Variants in KCTD6 observed in about 807,000 individuals in gnomAD.
KCTD6 encodes the protein potassium channel tetramerization domain containing 6.
A neutral mutation model predicts 18.7 loss-of-function variants in KCTD6; 6 were observed. The ratio of observed to expected loss-of-function variants is 0.32; its 90% CI spans 0.18 to 0.63. KCTD6 has a LOEUF of 0.63. KCTD6 is among the 30% of genes least tolerant of loss of function. The pLI is 0.79. For missense variants in KCTD6, 165 were observed against 300.2 expected, an observed-to-expected ratio of 0.55 and a Z score of 3.33; for synonymous variants, 86 against 108.5, an observed-to-expected ratio of 0.79 and a Z score of 1.29.
chr3:58,501,186 C>T lies in KCTD6; in HGVS notation c.268C>T (p.Arg90Trp), dbSNP rs2063203324. The change falls in exon 3 of 3, where the codon CGG (arginine) becomes TGG (tryptophan). Residue 90 changes from arginine (R) to tryptophan (W), a missense_variant. Physicochemically the swap from Arg to Trp is moderately radical, Grantham distance 101. Transcript: ENST00000404589. This position sits in a 1 kb window ranked among gnomAD's most constrained non-coding sequence, Gnocchi z 9.7. ...PLDFKEFDLL[R>W]KEADFYQIEP... The stretch of plus-strand genomic sequence containing the variant: ...GGATTTTAAGGAATTTGATCTGCTT[C>T]GGAAAGAAGCAGATTTTTACCAGAT... 3.1e-6 allele frequency: 5 copies of T among 1,613,984 alleles called. No individual in the cohort carries two copies. Among genetic ancestry groups the T allele is most frequent in the African/African-American group, 1.3e-5 (1 of 74,902 alleles).
Position 58,496,680 on chromosome 3 carries a change from A to G in KCTD6, c.-43-2033A>G, listed in dbSNP as rs905257974. 6.6e-6 allele frequency among the ~76,000 whole-genome samples: 1 copy of G among 152,106 alleles called. No individual in the cohort carries two copies. The highest frequency in any genetic ancestry group is 1.5e-5 in the Non-Finnish European group (1 of 68,026). The stretch of plus-strand genomic sequence containing the variant: ...TCTGCTGGTCCATCTGTTATACAGC[A>G]CTTTGAATTCTGTTCTGTACTTCAG... On this transcript the variant is annotated intron_variant, in intron 1 of 2. Transcript: ENST00000404589. The surrounding 1 kb of genome is among the most constrained non-coding windows in gnomAD (Gnocchi z 5.1).
In KCTD6 at chr3:58,497,301, C is replaced by T. The variant is rs1322153724; in HGVS notation, c.-43-1412C>T. ...AAATGTTCTCTACATGCCTGAGTGA[C>T]CTTTTGAGAAAGAGCCTTTGTGATC... is the stretch of plus-strand genomic sequence containing the variant. On this transcript the variant is annotated intron_variant, in intron 1 of 2. Coordinates refer to ENST00000404589, the MANE Select transcript of KCTD6 (RefSeq NM_001128214.2). The surrounding 1 kb of genome is among the most constrained non-coding windows in gnomAD (Gnocchi z 4.2). 6.6e-6 allele frequency among the ~76,000 whole-genome samples: 1 copy of T among 152,226 alleles called. No homozygotes were observed. The highest frequency in any genetic ancestry group is 1.5e-5 in the Non-Finnish European group (1 of 68,030).
rs775250930 is a variant in KCTD6, at chr3:58,500,963, A to G, written c.45A>G (p.Thr15=). 5.7e-6 allele frequency: 9 copies of G among 1,570,668 alleles called. No homozygotes were observed. In the African/African-American group the frequency reaches 8.2e-5, roughly 14 times the overall value. Residue 15 remains threonine, a synonymous_variant, in exon 3 of 3, where the codon ACA becomes ACG. Transcript: ENST00000404589. ...AATTTCAGATGACTGACCCAGTCAC[A>G]TTAAATGTAGGTGGACACTTGTATA... ...DWGYMMTDPV[T]LNVGGHLYTT...
chr3:58,499,004 T>G (rs1341075238), intron 2 of KCTD6, among the ~76,000 whole-genome samples: 1 of 151,904 alleles, frequency 6.6e-6, no homozygotes, highest in Non-Finnish European at 1.5e-5. Context: ...GAGTCTCGCC[T>G]TCTTGCCCAG....
At position 58,493,627 on chromosome 3, in the gene KCTD6, A is replaced by G. The variant is rs73087706; in HGVS notation, c.-44+1458A>G. On this transcript the variant is annotated intron_variant, in intron 1 of 2. Coordinates refer to ENST00000404589, the MANE Select transcript of KCTD6 (RefSeq NM_001128214.2). The surrounding 1 kb of genome is among the most constrained non-coding windows in gnomAD (Gnocchi z 4.5). The stretch of plus-strand genomic sequence containing the variant: ...TCCCTTCTGGAGCTCTGGGAAAAGG[A>G]GGACCTGGGGAGATTTGAAGCAAAT... 0.26 allele frequency among the ~76,000 whole-genome samples: 39,508 copies of G among 152,152 alleles called. 5,723 individuals carry two copies. The highest frequency in any genetic ancestry group is 0.35 in the Middle Eastern group (103 of 294).
At chr3:58,499,820 G>C (rs2063196627) in intron 2 of KCTD6, among the ~76,000 whole-genome samples, 1 of 151,574 alleles carries the variant, frequency 6.6e-6, no homozygotes. Context: ...GATTACAGGT[G>C]TGAGCCACCA....
rs945131347 is a variant in KCTD6 at position 58,493,364 on chromosome 3, T to C, written c.-44+1195T>C. Among the ~76,000 whole-genome samples the C allele has an allele frequency of 6.6e-6, 1 of 152,280 alleles. No individual in the cohort carries two copies. The highest frequency in any genetic ancestry group is 6.5e-5 in the Admixed American group (1 of 15,288). On this transcript the variant is annotated intron_variant, in intron 1 of 2. Transcript: ENST00000404589. This position sits in a 1 kb window ranked among gnomAD's most constrained non-coding sequence, Gnocchi z 4.5. The stretch of plus-strand genomic sequence containing the variant: ...ATTTGAATTTTCATAAATCATATTT[T>C]AACCAAAGCATTACTACTTAAAGGA...
chr3:58,501,340 C>G lies in KCTD6; in HGVS notation c.422C>G (p.Thr141Arg). ...KYSNPVAVII[T>R]QLTITTKVHS... is the part of the protein sequence containing the mutation. ...TCCAACCCAGTGGCTGTCATCATAA[C>G]GCAACTAACCATCACCACTAAGGTC... Residue 141 changes from threonine (T) to arginine (R), a missense_variant, in exon 3 of 3, where the codon ACG (threonine) becomes AGG (arginine). Physicochemically the swap from Thr to Arg is moderately conservative, Grantham distance 71. This residue lies in a region of KCTD6 where 106 missense variants were observed against 230.4 expected (regional missense o/e 0.46). Coordinates refer to ENST00000404589, the MANE Select transcript of KCTD6 (RefSeq NM_001128214.2). The surrounding 1 kb of genome is among the most constrained non-coding windows in gnomAD (Gnocchi z 9.7). The G allele has an allele frequency of 6.2e-7, 1 of 1,606,924 alleles. No homozygotes were observed. The highest frequency in any genetic ancestry group is 8.5e-7 in the Non-Finnish European group (1 of 1,177,432).
rs1282295823 is a variant in KCTD6, at chr3:58,492,583, T to C, written c.-44+414T>C. Among the ~76,000 whole-genome samples the C allele has an allele frequency of 6.6e-6, 1 of 152,076 alleles. No homozygotes were observed. The highest frequency in any genetic ancestry group is 1.9e-4 in the East Asian group (1 of 5,182). ...GGGTGTGCTCGAAAATGATTGTTTT[T>C]GGGAGATGGCGCTTATTAGCCACCA... On this transcript the variant is annotated intron_variant, in intron 1 of 2. Transcript: ENST00000404589. The surrounding 1 kb of genome is among the most constrained non-coding windows in gnomAD (Gnocchi z 6.1).
At chr3:58,500,167 G>A (rs1240927667) in intron 2 of KCTD6, 1 of 151,426 alleles carries the variant, frequency 6.6e-6, no homozygotes, top group Non-Finnish European at 1.5e-5. Flanking sequence ...CCAGGCTGAA[G>A]TGAAGTGGCA....
rs1308149336 is a variant in KCTD6, at chr3:58,497,266, T to C, written c.-43-1447T>C. On this transcript the variant is annotated intron_variant, in intron 1 of 2. Transcript: ENST00000404589. The surrounding 1 kb of genome is among the most constrained non-coding windows in gnomAD (Gnocchi z 4.2). Reference sequence around the variant, plus strand: ...TTCAGGCTCTGATTTCAGCCCATGCTGTGCTATGCAAATGTTCTCTACATG... The same window carrying C: ...TTCAGGCTCTGATTTCAGCCCATGCCGTGCTATGCAAATGTTCTCTACATG... 1.3e-5 allele frequency among the ~76,000 whole-genome samples: 2 copies of C among 152,256 alleles called. No homozygotes were observed. Among genetic ancestry groups the C allele is most frequent in the African/African-American group, 4.8e-5 (2 of 41,476 alleles).
chr3:58,497,728 C>T lies in KCTD6; in HGVS notation c.-43-985C>T, dbSNP rs1442495934. The T allele has an allele frequency of 6.6e-6, 1 of 152,150 alleles. No individual in the cohort carries two copies. Among genetic ancestry groups the T allele is most frequent in the Non-Finnish European group, 1.5e-5 (1 of 68,036 alleles). The allele number at this position is 152,150 out of a possible 1,614,324, so 9.4% of individuals were successfully genotyped here. On this transcript the variant is annotated intron_variant, in intron 1 of 2. Transcript: ENST00000404589. The surrounding 1 kb of genome is among the most constrained non-coding windows in gnomAD (Gnocchi z 4.2). Reference sequence around the variant, plus strand: ...AAGGTTCTTTTTGCCCCAAATTGTGCTCTTTAACACTTCGGCATTTAAATC... The same window carrying T: ...AAGGTTCTTTTTGCCCCAAATTGTGTTCTTTAACACTTCGGCATTTAAATC...
Position 58,499,000 on chromosome 3 carries a change from C to T in KCTD6, c.27+218C>T, listed in dbSNP as rs940256911. 7.9e-5 allele frequency among the ~76,000 whole-genome samples: 12 copies of T among 151,758 alleles called. 1 individual carries two copies. The South Asian group carries it at 1.5e-3, about 19-fold the overall frequency. On this transcript the variant is annotated intron_variant, in intron 2 of 2. Coordinates refer to ENST00000404589, the MANE Select transcript of KCTD6 (RefSeq NM_001128214.2). This position sits in a 1 kb window ranked among gnomAD's most constrained non-coding sequence, Gnocchi z 4.6. Reference sequence around the variant, plus strand: ...ATTTAATTTTTTTTATGTGGAGTCTCGCCTTCTTGCCCAGGCTGGAGTGCA... The same window carrying T: ...ATTTAATTTTTTTTATGTGGAGTCTTGCCTTCTTGCCCAGGCTGGAGTGCA...
intron 2 of KCTD6, among the ~76,000 whole-genome samples, chr3:58,499,543 C>A (rs1202913518): frequency 8.0e-6 from 1 of 124,930 alleles, no homozygotes. Flanking sequence ...TTTTTTCTTT[C>A]TTCCTTTTTT....
At chr3:58,499,391 T>C (rs2063194485) in intron 2 of KCTD6, among the ~76,000 whole-genome samples, 1 of 152,154 alleles carries the variant, frequency 6.6e-6, no homozygotes. Context: ...TATTTTGTTG[T>C]GGTTTGGGAG....
rs1335193741 is a variant in KCTD6 at position 58,493,947 on chromosome 3, C to T, written c.-44+1778C>T. 1.3e-5 allele frequency: 2 copies of T among 152,166 alleles called. No homozygotes were observed. The highest frequency in any genetic ancestry group is 3.8e-4 in the East Asian group (2 of 5,206). 9.4% of individuals were successfully genotyped at this position (152,166 alleles called of 1,614,324 possible). A position where few individuals can be genotyped will look rare whatever the true frequency, so the allele number is the denominator to read the frequency against. The stretch of plus-strand genomic sequence containing the variant: ...ACCTCCCTGGGAACCTGTTCTCTTT[C>T]CTTGTCCTGATGTGTTACTCTTATA... On this transcript the variant is annotated intron_variant, in intron 1 of 2. Coordinates refer to ENST00000404589, the MANE Select transcript of KCTD6 (RefSeq NM_001128214.2). The surrounding 1 kb of genome is among the most constrained non-coding windows in gnomAD (Gnocchi z 4.5).
At chr3:58,494,582 G>A (rs1159484487) in intron 1 of KCTD6, among the ~76,000 whole-genome samples, 1 of 152,078 alleles carries the variant, frequency 6.6e-6, no homozygotes, top group Non-Finnish European at 1.5e-5. Context: ...TATAGGATTA[G>A]GACTTTTGCC....
chr3:58,493,242 A>G lies in KCTD6; in HGVS notation c.-44+1073A>G, dbSNP rs2063162712. Among the ~76,000 whole-genome samples, 1 of 152,216 alleles carries G rather than the reference A, an allele frequency of 6.6e-6. No homozygotes were observed. The highest frequency in any genetic ancestry group is 2.4e-5 in the African/African-American group (1 of 41,452). ...TGAGAGTATTTTCTCTTTGGCCGAA[A>G]CCATCAGTCCATACTGATACTTGAT... On this transcript the variant is annotated intron_variant, in intron 1 of 2. Transcript: ENST00000404589. This position sits in a 1 kb window ranked among gnomAD's most constrained non-coding sequence, Gnocchi z 4.5.
In KCTD6 at chr3:58,498,725, C is replaced by T. The variant is rs746141591; in HGVS notation, c.-31C>T. 1.2e-5 allele frequency: 19 copies of T among 1,597,496 alleles called. No individual in the cohort carries two copies. In the South Asian group the frequency reaches 2.1e-4, roughly 18 times the overall value. The stretch of plus-strand genomic sequence containing the variant: ...TCTCCTCTTGAAGTTTCCCTGAAAC[C>T]TGGGCTCTTGAAGACGCATCACTGG... On this transcript the variant is annotated 5_prime_UTR_variant, in exon 2 of 3. Coordinates refer to ENST00000404589, the MANE Select transcript of KCTD6 (RefSeq NM_001128214.2). This position sits in a 1 kb window ranked among gnomAD's most constrained non-coding sequence, Gnocchi z 4.6.
Sources: gnomAD v4.1 joint callset for allele counts (sites outside exome capture counted in the v4.1 genomes callset) on GRCh38, gnomAD v4.1.1 for gene constraint, gnomAD v4.1.1 regional missense constraint, Gnocchi (gnomAD v3.1) non-coding constraint, MANE v1.5 for transcripts, NCBI Gene and HGNC (gene_info 2026-07-23, HGNC 2026-07-21) for gene names.